Variants in CNTRL observed in about 807,000 individuals in gnomAD.
CNTRL encodes the protein centriolin, also known as 110 kDa centrosomal protein.
Under a neutral mutation model 303.7 loss-of-function variants are expected in CNTRL, and 233 were observed. The ratio of observed to expected loss-of-function variants is 0.77; its 90% CI spans 0.69 to 0.86. CNTRL has a LOEUF of 0.86. CNTRL is among the 40% of genes least tolerant of loss of function. The pLI is 0.00. For synonymous variants in CNTRL, 900 were observed against 922.2 expected (o/e 0.98, Z 0.44); for missense variants, 2,524 against 2,650.6 (o/e 0.95, Z 1.05).
intron 1 of CNTRL, among the ~76,000 whole-genome samples, chr9:121,078,468 C>T (rs1185978819): frequency 5.9e-5 from 9 of 152,152 alleles, no homozygotes; most frequent in Non-Finnish European, 1.3e-4. Context: ...TCCCACTATA[C>T]GCTCACAACA....
intron 3 of CNTRL, among the ~76,000 whole-genome samples, chr9:121,089,688 A>T (rs896739013): frequency 2.0e-5 from 3 of 152,206 alleles, no homozygotes; most frequent in African/African-American, 7.2e-5. Context: ...ACAACTAAGT[A>T]TTACCAGTTT....
chr9:121,077,713 G>A (rs1321636169), intron 1 of CNTRL, among the ~76,000 whole-genome samples: 2 of 152,166 alleles, frequency 1.3e-5, no homozygotes, highest in East Asian at 3.9e-4. Context: ...GGGAGGCTGA[G>A]GCAGGAGGAT....
chr9:121,086,673 C>T lies in CNTRL; in HGVS notation c.-31-1623C>T, dbSNP rs111245277. 4.6e-3 allele frequency among the ~76,000 whole-genome samples: 665 copies of T among 145,750 alleles called. 4 individuals are homozygous for T. Among genetic ancestry groups the T allele is most frequent in the African/African-American group, 0.016 (631 of 38,898 alleles). ...TTTTTTTTCCTGAGATGGAGTCTCG[C>T]TCTGTTTCCCAGGCTGGACTGCAGT... is the stretch of plus-strand genomic sequence containing the variant. On this transcript the variant is annotated intron_variant, in intron 2 of 43. Coordinates refer to ENST00000373855, the MANE Select transcript of CNTRL (RefSeq NM_007018.6).
chr9:121,151,387 CTTTTTTTTT>C (rs71370632), intron 25 of CNTRL, among the ~76,000 whole-genome samples: 1 of 90,430 alleles, frequency 1.1e-5, no homozygotes, highest in Non-Finnish European at 2.0e-5. Flanking sequence ...TTTTCTTCTT[CTTTTTTTTT>C]TTTTTTTTTT....
intron 12 of CNTRL, among the ~76,000 whole-genome samples, chr9:121,120,021 T>C (rs927973530): frequency 2.6e-5 from 4 of 152,150 alleles, no homozygotes; most frequent in African/African-American, 9.7e-5. Flanking sequence ...GTCTCTACTC[T>C]AAGAAGTTGT....
intron 9 of CNTRL, among the ~76,000 whole-genome samples, chr9:121,113,167 A>T (rs1021989759): frequency 1.3e-5 from 2 of 152,194 alleles, no homozygotes; most frequent in African/African-American, 2.4e-5. Flanking sequence ...ATGAGCCAAG[A>T]AACCAAAATA....
In CNTRL at chr9:121,146,164, G is replaced by A; in HGVS notation, c.3367G>A (p.Val1123Ile). 6.2e-7 allele frequency: 1 copy of A among 1,613,540 alleles called. No individual in the cohort carries two copies. The highest frequency in any genetic ancestry group is 8.5e-7 in the Non-Finnish European group (1 of 1,179,850). Residue 1123 changes from valine (V) to isoleucine (I), a missense_variant, in exon 23 of 44, where the codon GTT becomes ATT. By Grantham distance (29) the Val-to-Ile change is conservative. Transcript: ENST00000373855. ...LEEIAELRRE[V>I]SYQNDYISSM... Reference sequence around the variant, plus strand: ...AGAAATTGCTGAACTTCGACGTGAAGTTTCTTATCAGAATGATTACATAAG... The same window carrying A: ...AGAAATTGCTGAACTTCGACGTGAAATTTCTTATCAGAATGATTACATAAG...
Position 121,158,901 on chromosome 9 carries a change from G to A in CNTRL, c.4811G>A (p.Gly1604Glu), listed in dbSNP as rs753959119. The A allele has an allele frequency of 6.8e-6, 11 of 1,614,044 alleles. No individual in the cohort carries two copies. The highest frequency in any genetic ancestry group is 2.2e-5 in the East Asian group (1 of 44,870). The change falls in exon 31 of 44, where the codon GGG (glycine) becomes GAG (glutamate). Residue 1604 changes from glycine to glutamate, a missense_variant. Gly to Glu is a moderately conservative substitution (Grantham distance 98). Coordinates refer to ENST00000373855, the MANE Select transcript of CNTRL (RefSeq NM_007018.6). ...QEMAVLDRQLGHKKEELHLLQ... is the reference protein window; with the variant it reads ...QEMAVLDRQLEHKKEELHLLQ... ...ATGGCTGTCTTGGACAGGCAGTTAGGGCATAAAAAGGAGGAGCTGCATCTA... is the reference window on the plus strand; with the variant it reads ...ATGGCTGTCTTGGACAGGCAGTTAGAGCATAAAAAGGAGGAGCTGCATCTA...
chr9:121,117,691 A>G (rs930260413), intron 11 of CNTRL, among the ~76,000 whole-genome samples: 1 of 152,096 alleles, frequency 6.6e-6, no homozygotes, highest in Admixed American at 6.6e-5. Context: ...ATTAAAGGAT[A>G]TAAAGAGGCT....
intron 41 of CNTRL, 65 bp downstream of exon 41, chr9:121,173,574 A>C (rs1224868423): frequency 5.0e-6 from 8 of 1,608,784 alleles, no homozygotes; most frequent in Admixed American, 1.7e-5. Flanking sequence ...CTAAGCTAAA[A>C]CACAGATGTG....
rs374498529 is a variant in CNTRL, at chr9:121,115,113, G to C, written c.1368G>C (p.Leu456=). 64 of 1,608,014 alleles carry C rather than the reference G, an allele frequency of 4.0e-5. No individual in the cohort carries two copies. In the Middle Eastern group the frequency reaches 6.6e-4, roughly 17 times the overall value. The change falls in exon 11 of 44, where the codon CTG becomes CTC. Residue 456 remains leucine (L), a synonymous_variant. Transcript: ENST00000373855. ...ISAAQTRLSE[L]HDEIEKAEQQ... is the part of the protein sequence containing the mutation. ...CAGCACAAACTCGACTATCAGAACT[G>C]CATGATGAAATAGAAAAGGCAGAAC...
chr9:121,121,282 C>G (rs1196039294), intron 12 of CNTRL, among the ~76,000 whole-genome samples: 1 of 152,114 alleles, frequency 6.6e-6, no homozygotes, highest in Admixed American at 6.5e-5. Context: ...ATCCATTTTT[C>G]TTTCAATTTG....
Position 121,145,222 on chromosome 9 carries a change from T to C in CNTRL, c.3169-22T>C, listed in dbSNP as rs2051772978. ...AAGAATGAATTCATTGGCAACTTTG[T>C]ATGTGTAATTTTTTTAAATAGTTTC... On this transcript the variant is annotated intron_variant, in intron 21 of 43. Transcript: ENST00000373855. The C allele has an allele frequency of 1.9e-6, 3 of 1,595,930 alleles. No homozygotes were observed. The East Asian group carries it at 6.7e-5, about 36-fold the overall frequency.
At chr9:121,103,280 C>G (rs956839259) in intron 7 of CNTRL, among the ~76,000 whole-genome samples, 1 of 152,124 alleles carries the variant, frequency 6.6e-6, no homozygotes, top group Non-Finnish European at 1.5e-5. Context: ...ACAAACCTGA[C>G]AAAAACAAGC....
In CNTRL at chr9:121,152,570, G is replaced by A. The variant is rs774067317; in HGVS notation, c.4049G>A (p.Arg1350Gln). Residue 1350 changes from arginine (R) to glutamine (Q), a missense_variant, in exon 26 of 44, where the codon CGG becomes CAG. Arg to Gln is a conservative substitution (Grantham distance 43). Coordinates refer to ENST00000373855, the MANE Select transcript of CNTRL (RefSeq NM_007018.6). ...GAAAGGTGGATGAGAGCATCCAAGCGGCAGTCGGAGAAAGAAATGGAAGAA... is the reference window on the plus strand; with the variant it reads ...GAAAGGTGGATGAGAGCATCCAAGCAGCAGTCGGAGAAAGAAATGGAAGAA... ...REERWMRASK[R>Q]QSEKEMEELH... is the part of the protein sequence containing the mutation. 1.2e-5 allele frequency: 19 copies of A among 1,613,788 alleles called. No individual in the cohort carries two copies. Among genetic ancestry groups the A allele is most frequent in the African/African-American group, 1.3e-5 (1 of 74,886 alleles).
Position 121,135,870 on chromosome 9 carries a change from C to A in CNTRL, c.2090C>A (p.Thr697Asn). The A allele has an allele frequency of 6.2e-7, 1 of 1,613,994 alleles. No homozygotes were observed. Among genetic ancestry groups the A allele is most frequent in the East Asian group, 2.2e-5 (1 of 44,880 alleles). Residue 697 changes from threonine (T) to asparagine (N), a missense_variant, in exon 15 of 44, where the codon ACC becomes AAC. Physicochemically the swap from Thr to Asn is moderately conservative, Grantham distance 65. Transcript: ENST00000373855. Reference protein sequence around the residue: ...QHEVNASLQQTQGDLSAYEAE... With the variant: ...QHEVNASLQQNQGDLSAYEAE... ...GAGGTGAATGCATCTTTGCAGCAGA[C>A]CCAGGGAGATCTCAGTGCCTATGAA...
intron 36 of CNTRL, 29 bp from the exon 37 acceptor site, chr9:121,167,457 TTAG>T (rs1235541415): frequency 6.3e-7 from 1 of 1,583,942 alleles, no homozygotes. Context: ...GATGGCTTTA[TTAG>T]TAGTTTCCAC....
At chr9:121,120,743 G>A (rs903140917) in intron 12 of CNTRL, among the ~76,000 whole-genome samples, 1 of 152,192 alleles carries the variant, frequency 6.6e-6, no homozygotes, top group Non-Finnish European at 1.5e-5. Flanking sequence ...GATTTCTGTA[G>A]AGAATTATAC....
chr9:121,176,241 G>A (rs2053518912), intron 43 of CNTRL, among the ~76,000 whole-genome samples: 2 of 152,232 alleles, frequency 1.3e-5, no homozygotes, highest in Admixed American at 6.5e-5. Flanking sequence ...AAGGACAACA[G>A]CAGGACTTGC....
Sources: allele counts gnomAD v4.1 joint callset (sites outside exome capture counted in the v4.1 genomes callset), GRCh38; gene constraint gnomAD v4.1.1; transcripts MANE v1.5; gene names NCBI Gene and HGNC (gene_info 2026-07-23, HGNC 2026-07-21).